Variants in KCTD16 observed in about 807,000 individuals in gnomAD.
KCTD16 encodes potassium channel tetramerization domain containing 16.
KCTD16 carries 13 observed loss-of-function variants against 33.2 expected under a neutral mutation model. That is an observed-to-expected ratio of 0.39 (90% CI 0.25 to 0.62). KCTD16 has a LOEUF of 0.62. KCTD16 is among the 20% of genes least tolerant of loss of function. KCTD16 has a pLI of 0.50. For missense variants in KCTD16, 441 were observed against 525.1 expected, an observed-to-expected ratio of 0.84 and a Z score of 1.57; for synonymous variants, 197 against 195.3, an observed-to-expected ratio of 1.01 and a Z score of -0.07.
At chr5:144,406,045 CTTG>C (rs1407586626) in intron 3 of KCTD16, among the ~76,000 whole-genome samples, 2 of 152,124 alleles carry the variant, frequency 1.3e-5, no homozygotes, top group Non-Finnish European at 2.9e-5. Flanking sequence ...CATACTGAGG[CTTG>C]TTGTTAAGTA....
At position 144,276,529 on chromosome 5, in the gene KCTD16, T is replaced by C. The variant is rs575747126; in HGVS notation, c.832+68983T>C. On this transcript the variant is annotated intron_variant, in intron 3 of 3. Transcript: ENST00000512467. ...AATTTGTTTATTTCTCCTAGTCTTC[T>C]AGTTCTGGCAGAGACCTAGAAACAT... Among the ~76,000 whole-genome samples the C allele has an allele frequency of 1.7e-4, 26 of 152,340 alleles. No individual in the cohort carries two copies. The South Asian group carries it at 4.8e-3, about 28-fold the overall frequency.
intron 3 of KCTD16, among the ~76,000 whole-genome samples, chr5:144,354,680 T>C (rs1254341081): frequency 6.6e-6 from 1 of 152,240 alleles, no homozygotes; most frequent in Non-Finnish European, 1.5e-5. Flanking sequence ...ATAAATGATA[T>C]GTCATTTTTG....
intron 3 of KCTD16, among the ~76,000 whole-genome samples, chr5:144,246,363 C>T (rs533259806): frequency 4.2e-4 from 64 of 152,142 alleles, no homozygotes; most frequent in African/African-American, 1.5e-3. Context: ...TTTGCAGAAG[C>T]CATTAGGATA....
chr5:144,221,499 T>C (rs1753752931), intron 3 of KCTD16, among the ~76,000 whole-genome samples: 1 of 152,182 alleles, frequency 6.6e-6, no homozygotes, highest in African/African-American at 2.4e-5. Flanking sequence ...CTCTCACTTA[T>C]GAGTGAGAAC....
chr5:144,252,318 A>G (rs1198484351), intron 3 of KCTD16, among the ~76,000 whole-genome samples: 2 of 152,192 alleles, frequency 1.3e-5, no homozygotes, highest in East Asian at 3.9e-4. Flanking sequence ...TACTTACTAA[A>G]TAGCCCATGT....
At chr5:144,245,091 A>G (rs1223708958) in intron 3 of KCTD16, among the ~76,000 whole-genome samples, 1 of 152,136 alleles carries the variant, frequency 6.6e-6, no homozygotes, top group African/African-American at 2.4e-5. Flanking sequence ...TCCATTGTAC[A>G]TTTATTTATT....
At chr5:144,377,037 A>G (rs1221793974) in intron 3 of KCTD16, among the ~76,000 whole-genome samples, 1 of 152,186 alleles carries the variant, frequency 6.6e-6, no homozygotes, top group Non-Finnish European at 1.5e-5. Context: ...ACACTGGATG[A>G]GGAGGTGGTG....
At position 144,479,631 on chromosome 5, in the gene KCTD16, C is replaced by T. The variant is rs1754665835; in HGVS notation, c.*5517C>T. 6.6e-6 allele frequency: 1 copy of T among 151,776 alleles called. No individual in the cohort carries two copies. The highest frequency in any genetic ancestry group is 1.9e-4 in the East Asian group (1 of 5,164). The allele number at this position is 151,776 out of a possible 1,614,324, so 9.4% of individuals were successfully genotyped here. ...TATGTTAAATTGGCCAAGATTAAAA[C>T]AAAAATGGTTAAATTTGATTCAGTT... On this transcript the variant is annotated 3_prime_UTR_variant, in exon 4 of 4. Coordinates refer to ENST00000512467, the MANE Select transcript of KCTD16 (RefSeq NM_020768.4).
At chr5:144,354,098 G>T (rs1387400451) in intron 3 of KCTD16, among the ~76,000 whole-genome samples, 1 of 152,018 alleles carries the variant, frequency 6.6e-6, no homozygotes, top group Non-Finnish European at 1.5e-5. Flanking sequence ...TGATCTGCCT[G>T]CTTAGAAATA....
chr5:144,421,020 G>C (rs747707783), intron 3 of KCTD16, among the ~76,000 whole-genome samples: 11 of 152,118 alleles, frequency 7.2e-5, no homozygotes, highest in South Asian at 2.1e-4. Flanking sequence ...GCATCTTTCT[G>C]CTCCTTCTCT....
intron 3 of KCTD16, among the ~76,000 whole-genome samples, chr5:144,299,383 G>A (rs886612814): frequency 6.6e-6 from 1 of 151,390 alleles, no homozygotes; most frequent in African/African-American, 2.4e-5. Context: ...GACAAAAATA[G>A]TTTGACAAAA....
chr5:144,420,765 A>T (rs946755487), intron 3 of KCTD16, among the ~76,000 whole-genome samples: 12 of 152,138 alleles, frequency 7.9e-5, no homozygotes, highest in African/African-American at 2.7e-4. Context: ...TGTAAGCCTC[A>T]GCATATCCTG....
At chr5:144,424,999 T>A (rs1221323577) in intron 3 of KCTD16, among the ~76,000 whole-genome samples, 1 of 152,060 alleles carries the variant, frequency 6.6e-6, no homozygotes, top group African/African-American at 2.4e-5. Flanking sequence ...CTTAACTCAT[T>A]CAAGCATCAA....
intron 3 of KCTD16, among the ~76,000 whole-genome samples, chr5:144,362,101 A>G (rs1034859799): frequency 6.6e-6 from 1 of 151,912 alleles, no homozygotes; most frequent in Non-Finnish European, 1.5e-5. Flanking sequence ...TCATCCATTC[A>G]CTCATTCACT....
rs1330023891 is a variant in KCTD16, at chr5:144,175,002, G to A, written c.-327+530G>A. ...TATTTCAAATAATTTGGGTAGTAGG[G>A]GAGATAATATGAAAAACAGCACGGG... is the stretch of plus-strand genomic sequence containing the variant. On this transcript the variant is annotated intron_variant, in intron 2 of 3. Coordinates refer to ENST00000512467, the MANE Select transcript of KCTD16 (RefSeq NM_020768.4). Among the ~76,000 whole-genome samples the A allele has an allele frequency of 2.0e-5, 3 of 152,104 alleles. No homozygotes were observed. The East Asian group carries it at 5.8e-4, about 29-fold the overall frequency.
intron 3 of KCTD16, among the ~76,000 whole-genome samples, chr5:144,306,274 C>T (rs1228877774): frequency 1.3e-5 from 2 of 152,224 alleles, no homozygotes; most frequent in Non-Finnish European, 2.9e-5. Context: ...GTGTACTTGC[C>T]TGGGCAAAAA....
At chr5:144,255,475 C>T (rs1247152898) in intron 3 of KCTD16, among the ~76,000 whole-genome samples, 2 of 152,210 alleles carry the variant, frequency 1.3e-5, no homozygotes, top group Non-Finnish European at 2.9e-5. Flanking sequence ...AATTCTTCCA[C>T]ATCCTTGCCA....
chr5:144,304,940 G>C (rs575937423), intron 3 of KCTD16, among the ~76,000 whole-genome samples: 25 of 150,222 alleles, frequency 1.7e-4, no homozygotes, highest in Non-Finnish European at 3.5e-4. Flanking sequence ...TGTGGTACTG[G>C]AAACAGAAAC....
chr5:144,259,265 A>T (rs1403384905), intron 3 of KCTD16, among the ~76,000 whole-genome samples: 3 of 140,846 alleles, frequency 2.1e-5, no homozygotes, highest in African/African-American at 7.5e-5. Flanking sequence ...CTCAAAAAAA[A>T]AAAAAAAAAA....
Sources: allele counts gnomAD v4.1 joint callset (sites outside exome capture counted in the v4.1 genomes callset), GRCh38; gene constraint gnomAD v4.1.1; transcripts MANE v1.5; gene names NCBI Gene and HGNC (gene_info 2026-07-23, HGNC 2026-07-21).